The following PDGFRB variants were observed in gnomAD, a reference collection of about 807,000 sequenced individuals.
The protein encoded by PDGFRB is platelet derived growth factor receptor beta.
In PDGFRB, 42 loss-of-function variants were observed where a neutral mutation model predicts 120.2. That is an observed-to-expected ratio of 0.35 (90% confidence interval 0.27 to 0.45). PDGFRB has a LOEUF of 0.45. PDGFRB is among the 20% of genes least tolerant of loss of function. PDGFRB has a pLI of 1.00. For missense variants in PDGFRB, 1,149 were observed against 1,476.3 expected (o/e 0.78, Z 3.63); for synonymous variants, 586 against 606.8 (o/e 0.97, Z 0.50).
At chr5:150,145,586 G>A (rs1428541589) in intron 1 of PDGFRB, among the ~76,000 whole-genome samples, 1 of 152,226 alleles carries the variant, frequency 6.6e-6, no homozygotes, top group East Asian at 1.9e-4. Flanking sequence ...AAGCTTGCCA[G>A]TGGTGTCTCC....
intron 1 of PDGFRB, among the ~76,000 whole-genome samples, chr5:150,145,279 C>T (rs1306538855): frequency 3.3e-5 from 5 of 152,248 alleles, no homozygotes; most frequent in Non-Finnish European, 7.3e-5. Flanking sequence ...ACATAACAGA[C>T]AAAATATGTG....
At chr5:150,149,954 G>A (rs1262156936) in intron 1 of PDGFRB, among the ~76,000 whole-genome samples, 2 of 152,310 alleles carry the variant, frequency 1.3e-5, no homozygotes, top group East Asian at 3.9e-4. Context: ...GGCAGAGCTG[G>A]ATGGACCTCT....
rs1760135899 is a variant in PDGFRB at position 150,121,586 on chromosome 5, A to G, written c.2345-264T>C. Among the ~76,000 whole-genome samples, 1 of 152,214 alleles carries G rather than the reference A, an allele frequency of 6.6e-6. No homozygotes were observed. The highest frequency in any genetic ancestry group is 6.5e-5 in the Admixed American group (1 of 15,282). On this transcript the variant is annotated intron_variant, in intron 16 of 22. Coordinates refer to ENST00000261799, the MANE Select transcript of PDGFRB (RefSeq NM_002609.4). The surrounding 1 kb of genome is among the most constrained non-coding windows in gnomAD (Gnocchi z 4.1). ...GCCTGCCTCTCAGGGACACTAGACCAGCCTGGGGCTGAAGCTGAGTAGATC... is the reference window on the plus strand; with the variant it reads ...GCCTGCCTCTCAGGGACACTAGACCGGCCTGGGGCTGAAGCTGAGTAGATC...
At chr5:150,145,477 T>C (rs1425182221) in intron 1 of PDGFRB, among the ~76,000 whole-genome samples, 3 of 152,212 alleles carry the variant, frequency 2.0e-5, no homozygotes, top group Non-Finnish European at 4.4e-5. Flanking sequence ...ATATGAATGA[T>C]CTCACCAAGT....
chr5:150,135,834 T>A lies in PDGFRB; in HGVS notation c.85A>T (p.Ile29Phe), dbSNP rs17110944. The change falls in exon 3 of 23, where the codon ATC becomes TTC. Residue 29 changes from isoleucine to phenylalanine, a missense_variant. Around this residue, in one of 3 missense-constraint regions of PDGFRB, gnomAD observed 879 missense variants for 1,108.6 expected, o/e 0.79. Coordinates refer to ENST00000261799, the MANE Select transcript of PDGFRB (RefSeq NM_002609.4). ...LSLLLLLEPQ[I>F]SQGLVVTPPG... ...GGTGTGACGACCAGGCCCTGAGAGA[T>A]CTGTGGTTCCAGAAGTAACAGGAGA... 0.018 allele frequency: 27,637 copies of A among 1,547,842 alleles called. 2,111 individuals carry two copies. In the African/African-American group the frequency reaches 0.21, roughly 12 times the overall value.
At chr5:150,119,837 G>A (rs543944007) in intron 19 of PDGFRB, among the ~76,000 whole-genome samples, 175 bp downstream of exon 19, 6 of 152,338 alleles carry the variant, frequency 3.9e-5, no homozygotes, top group African/African-American at 1.2e-4. Flanking sequence ...AAGAGACCCA[G>A]AGAGGGCAAA....
chr5:150,149,236 C>A (rs990823262), intron 1 of PDGFRB, among the ~76,000 whole-genome samples: 2 of 152,184 alleles, frequency 1.3e-5, no homozygotes, highest in African/African-American at 4.8e-5. Context: ...ACAGTGGAGG[C>A]TGCAAGGCCA....
rs144786444 is a variant in PDGFRB, at chr5:150,148,566, G to A, written c.-7+6831C>T. On this transcript the variant is annotated intron_variant, in intron 1 of 22. Coordinates refer to ENST00000261799, the MANE Select transcript of PDGFRB (RefSeq NM_002609.4). ...CATCCAGGGCAGGGATGGGAGCCCC[G>A]CCAGGCTGGGAGCAGTGGTTCCAGC... Among the ~76,000 whole-genome samples the A allele has an allele frequency of 4.1e-4, 62 of 152,360 alleles. No individual in the cohort carries two copies. The East Asian group carries it at 7.5e-3, about 19-fold the overall frequency.
chr5:150,139,894 C>T (rs751794014), intron 1 of PDGFRB, among the ~76,000 whole-genome samples: 10 of 151,896 alleles, frequency 6.6e-5, no homozygotes, highest in Admixed American at 3.3e-4. Flanking sequence ...GCAGGAGAAT[C>T]GCTTGAACCC....
At chr5:150,123,000 C>T (rs1294330228) in intron 15 of PDGFRB, 42 bp downstream of exon 15, 5 of 1,572,386 alleles carry the variant, frequency 3.2e-6, no homozygotes, top group Non-Finnish European at 4.4e-6. Flanking sequence ...CGGTGCTCCT[C>T]AGGTATCCCA....
chr5:150,125,914 G>A (rs946424244), intron 11 of PDGFRB, among the ~76,000 whole-genome samples: 1 of 152,214 alleles, frequency 6.6e-6, no homozygotes, highest in Non-Finnish European at 1.5e-5. Context: ...ACCCCAGAAA[G>A]TGACACCAGG....
At chr5:150,136,958 T>C in intron 2 of PDGFRB, 50 bp downstream of exon 2, 3 of 1,445,494 alleles carry the variant, frequency 2.1e-6, no homozygotes, top group Non-Finnish European at 1.9e-6. Context: ...AGCTCCAGGG[T>C]TCCACTCCGC....
rs1377663333 is a variant in PDGFRB, at chr5:150,120,309, G to C, written c.2587-186C>G. On this transcript the variant is annotated intron_variant, in intron 18 of 22. Transcript: ENST00000261799. The surrounding 1 kb of genome is among the most constrained non-coding windows in gnomAD (Gnocchi z 4.3). ...CATCCCAGGGCTGGTCAGAGGACCA[G>C]AGGCTGTTTCCTTTCTCACTAGCTG... is the stretch of plus-strand genomic sequence containing the variant. 6.6e-6 allele frequency among the ~76,000 whole-genome samples: 1 copy of C among 152,170 alleles called. No homozygotes were observed. Among genetic ancestry groups the C allele is most frequent in the Non-Finnish European group, 1.5e-5 (1 of 68,024 alleles).
At position 150,118,770 on chromosome 5, in the gene PDGFRB, G is replaced by C; in HGVS notation, c.2881C>G (p.Leu961Val). 1.9e-6 allele frequency: 3 copies of C among 1,612,008 alleles called. No individual in the cohort carries two copies. Among genetic ancestry groups the C allele is most frequent in the East Asian group, 2.2e-5 (1 of 44,874 alleles). The change falls in exon 21 of 23, where the codon CTG (leucine) becomes GTG (valine). Residue 961 changes from leucine to valine, a missense_variant. Around this residue, in one of 3 missense-constraint regions of PDGFRB, gnomAD observed 202 missense variants for 214.3 expected, o/e 0.94. Coordinates refer to ENST00000261799, the MANE Select transcript of PDGFRB (RefSeq NM_002609.4). ...FSQLVLLLERLLGEGYKKKYQ... is the reference protein window; with the variant it reads ...FSQLVLLLERVLGEGYKKKYQ... ...ACCTTTTTGTAACCTTCGCCCAACAGTCTCTCGAGAAGCAGCACCAGCTGG... is the reference window on the plus strand; with the variant it reads ...ACCTTTTTGTAACCTTCGCCCAACACTCTCTCGAGAAGCAGCACCAGCTGG...
In PDGFRB at chr5:150,121,816, G is replaced by T; in HGVS notation, c.2344+64C>A. On this transcript the variant is annotated intron_variant, in intron 16 of 22. Transcript: ENST00000261799. The surrounding 1 kb of genome is among the most constrained non-coding windows in gnomAD (Gnocchi z 4.1). Reference sequence around the variant, plus strand: ...CCTTCTTCTCAGGGTTTTTGGCAAGGCTGGGCATGTGAAGAGCATCAGCCT... The same window carrying T: ...CCTTCTTCTCAGGGTTTTTGGCAAGTCTGGGCATGTGAAGAGCATCAGCCT... 18 of 1,287,500 alleles carry T rather than the reference G, an allele frequency of 1.4e-5. No individual in the cohort carries two copies. In the South Asian group the frequency reaches 2.0e-4, roughly 14 times the overall value. 79.8% of individuals were successfully genotyped at this position (1,287,500 alleles called of 1,614,324 possible).
In PDGFRB at chr5:150,125,527, G is replaced by C. The variant is rs374172033; in HGVS notation, c.1725C>G (p.Asp575Glu). ...RWKVIESVSS[D>E]GHEYIYVDPM... ...GGTCCACGTAGATGTACTCATGGCC[G>C]TCAGAGCTCACAGACTCAATCACCT... is the stretch of plus-strand genomic sequence containing the variant. The change falls in exon 12 of 23, where the codon GAC (aspartate) becomes GAG (glutamate). Residue 575 changes from aspartate to glutamate, a missense_variant. Physicochemically the swap from Asp to Glu is conservative, Grantham distance 45. This residue lies in a region of PDGFRB where 879 missense variants were observed against 1,108.6 expected (regional missense o/e 0.79). Transcript: ENST00000261799. The C allele has an allele frequency of 6.2e-7, 1 of 1,613,702 alleles. No individual in the cohort carries two copies. The highest frequency in any genetic ancestry group is 1.7e-4 in the Middle Eastern group (1 of 6,060).
rs760367935 is a variant in PDGFRB at position 150,120,079 on chromosome 5, G to A, written c.2631C>T (p.Asn877=). 2 of 1,606,824 alleles carry A rather than the reference G, an allele frequency of 1.2e-6. No homozygotes were observed. The highest frequency in any genetic ancestry group is 3.3e-5 in the Admixed American group (2 of 60,020). Residue 877 remains asparagine, a synonymous_variant, in exon 19 of 23, where the codon AAC becomes AAT. Coordinates refer to ENST00000261799, the MANE Select transcript of PDGFRB (RefSeq NM_002609.4). The surrounding 1 kb of genome is among the most constrained non-coding windows in gnomAD (Gnocchi z 4.3). The stretch of plus-strand genomic sequence containing the variant: ...CGTCGCTCAGGGTGGTGTAGAGGCT[G>A]TTGAAGATGCTCTCCGGAGCCATCC... The part of the protein sequence containing the change: ...LKWMAPESIF[N]SLYTTLSDVW...
Position 150,134,916 on chromosome 5 carries a change from C to G in PDGFRB, c.465G>C (p.Gln155His). The G allele has an allele frequency of 6.2e-7, 1 of 1,613,792 alleles. No homozygotes were observed. Residue 155 changes from glutamine (Q) to histidine (H), a missense_variant, in exon 4 of 23, where the codon CAG (glutamine) becomes CAC (histidine). By Grantham distance (24) the Gln-to-His change is conservative. This residue lies in a region of PDGFRB where 879 missense variants were observed against 1,108.6 expected (regional missense o/e 0.79). Transcript: ENST00000261799. ...TCTTCTCGTGCAGTGTCACCACCAG[C>G]TGTGGGTCTGTTACTCGGCATGGAA... ...ITIPCRVTDP[Q>H]LVVTLHEKKG...
intron 22 of PDGFRB, among the ~76,000 whole-genome samples, chr5:150,116,227 T>C (rs1759927652): frequency 1.3e-5 from 2 of 152,164 alleles, no homozygotes; most frequent in South Asian, 4.1e-4. Flanking sequence ...CACCAGCATC[T>C]CCCTCCTCTG....
Sources: gnomAD v4.1 joint callset for allele counts (sites outside exome capture counted in the v4.1 genomes callset) on GRCh38, gnomAD v4.1.1 for gene constraint, gnomAD v4.1.1 regional missense constraint, Gnocchi (gnomAD v3.1) non-coding constraint, MANE v1.5 for transcripts, NCBI Gene and HGNC (gene_info 2026-07-23, HGNC 2026-07-21) for gene names.